Variants in PPP1R16B observed in about 807,000 individuals in gnomAD.
PPP1R16B encodes protein phosphatase 1 regulatory inhibitor subunit 16B.
A neutral mutation model predicts 61.7 loss-of-function variants in PPP1R16B; 14 were observed. The ratio of observed to expected loss-of-function variants is 0.23; its 90% CI spans 0.15 to 0.35. The LOEUF is 0.35. Among genes scored for constraint, PPP1R16B ranks in the 10% least tolerant of loss-of-function variants. PPP1R16B has a pLI of 1.00. For missense variants in PPP1R16B, 547 were observed against 752.5 expected (o/e 0.73, Z 3.19); for synonymous variants, 266 against 305.3 (o/e 0.87, Z 1.34).
intron 2 of PPP1R16B, among the ~76,000 whole-genome samples, chr20:38,866,086 T>C (rs2085088381): frequency 6.6e-6 from 1 of 151,354 alleles, no homozygotes; most frequent in Admixed American, 6.6e-5. Flanking sequence ...ATCATGCCCC[T>C]GCACTCCAGC....
At chr20:38,853,096 G>A (rs1166174490) in intron 2 of PPP1R16B, among the ~76,000 whole-genome samples, 1 of 152,080 alleles carries the variant, frequency 6.6e-6, no homozygotes, top group Non-Finnish European at 1.5e-5. Flanking sequence ...CTAATCGAGT[G>A]AGAAAATGGT....
chr20:38,847,620 G>A (rs190124273), intron 2 of PPP1R16B, among the ~76,000 whole-genome samples: 1 of 152,314 alleles, frequency 6.6e-6, no homozygotes, highest in East Asian at 1.9e-4. Flanking sequence ...GCCTCCCAAA[G>A]TGCTGGGATT....
chr20:38,813,176 G>A (rs1201123643), intron 1 of PPP1R16B, among the ~76,000 whole-genome samples: 3 of 152,186 alleles, frequency 2.0e-5, no homozygotes, highest in South Asian at 2.1e-4. Context: ...CCTTCTCTGT[G>A]TGCCCAGGCC....
At chr20:38,893,952 C>A (rs774304185) in intron 3 of PPP1R16B, among the ~76,000 whole-genome samples, 84 of 152,290 alleles carry the variant, frequency 5.5e-4, no homozygotes, top group Middle Eastern at 6.8e-3. Context: ...GCTCACCTTC[C>A]ACCGCAGCCT....
At chr20:38,895,510 G>A (rs1008642071) in intron 3 of PPP1R16B, 55 bp from the exon 4 acceptor site, 1 of 1,574,314 alleles carries the variant, frequency 6.4e-7, no homozygotes, top group Admixed American at 1.7e-5. Flanking sequence ...TCCTGACCAG[G>A]GCCCGGGGCC....
At chr20:38,902,903 C>T (rs1056008586) in intron 6 of PPP1R16B, 111 bp downstream of exon 6, 137 of 1,500,188 alleles carry the variant, frequency 9.1e-5, no homozygotes, top group East Asian at 3.5e-4. Context: ...CTTGGACCTC[C>T]GCAAGAATCC....
intron 1 of PPP1R16B, among the ~76,000 whole-genome samples, chr20:38,825,399 C>G (rs2084799450): frequency 6.6e-6 from 1 of 152,204 alleles, no homozygotes; most frequent in African/African-American, 2.4e-5. Context: ...AAGAAGATAT[C>G]AGAAAATCCA....
intron 4 of PPP1R16B, among the ~76,000 whole-genome samples, chr20:38,897,002 C>T (rs999251373): frequency 2.6e-5 from 4 of 152,100 alleles, no homozygotes; most frequent in African/African-American, 7.2e-5. Context: ...CAAAATTAGC[C>T]GGGCATGGTG....
chr20:38,893,968 C>A (rs1448138092), intron 3 of PPP1R16B, among the ~76,000 whole-genome samples: 1 of 152,168 alleles, frequency 6.6e-6, no homozygotes, highest in Non-Finnish European at 1.5e-5. Flanking sequence ...AGCCTCGCTT[C>A]GTTGCCTTTG....
chr20:38,841,353 GAAAAAAAAAAAAA>G (rs34203271), intron 2 of PPP1R16B, among the ~76,000 whole-genome samples: 2,634 of 42,610 alleles, frequency 0.062, 117 homozygotes, highest in African/African-American at 0.19. Flanking sequence ...TGTCTGTACT[GAAAAAAAAAAAAA>G]AAAAAAAAAA....
Position 38,918,453 on chromosome 20 carries a change from C to G in PPP1R16B, c.1491C>G (p.Phe497Leu). 1 of 1,614,174 alleles carries G rather than the reference C, an allele frequency of 6.2e-7. No individual in the cohort carries two copies. The highest frequency in any genetic ancestry group is 8.5e-7 in the Non-Finnish European group (1 of 1,180,036). The change falls in exon 11 of 11, where the codon TTC becomes TTG. Residue 497 changes from phenylalanine to leucine, a missense_variant. Phe to Leu is a conservative substitution (Grantham distance 22, BLOSUM62 0). Transcript: ENST00000299824. This position sits in a 1 kb window ranked among gnomAD's most constrained non-coding sequence, Gnocchi z 5.3. Reference sequence around the variant, plus strand: ...CAGCCAAGCTGCTCAGCCACCCCTTCCTTAGCACACACCTGGGCAGCAGCA... The same window carrying G: ...CAGCCAAGCTGCTCAGCCACCCCTTGCTTAGCACACACCTGGGCAGCAGCA... ...RAAAKLLSHP[F>L]LSTHLGSSMA...
intron 10 of PPP1R16B, among the ~76,000 whole-genome samples, chr20:38,909,376 A>G (rs2085471221): frequency 6.6e-6 from 1 of 152,162 alleles, no homozygotes; most frequent in Non-Finnish European, 1.5e-5. Flanking sequence ...TCTTAATTTA[A>G]TTTATTACAC....
Position 38,895,662 on chromosome 20 carries a change from C to T in PPP1R16B, c.419C>T (p.Ala140Val). 6.2e-7 allele frequency: 1 copy of T among 1,614,180 alleles called. No homozygotes were observed. Among genetic ancestry groups the T allele is most frequent in the Non-Finnish European group, 8.5e-7 (1 of 1,180,018 alleles). Residue 140 changes from alanine to valine, a missense_variant, in exon 4 of 11, where the codon GCT (alanine) becomes GTT (valine). By Grantham distance (64) the Ala-to-Val change is moderately conservative (BLOSUM62 0). Coordinates refer to ENST00000299824, the MANE Select transcript of PPP1R16B (RefSeq NM_015568.4). Reference sequence around the variant, plus strand: ...AACGAGCTGTGGACACCTCTCCATGCTGCAGCCACCTGCGGCCACATCAAC... The same window carrying T: ...AACGAGCTGTGGACACCTCTCCATGTTGCAGCCACCTGCGGCCACATCAAC... ...KDNELWTPLH[A>V]AATCGHINLV...
intron 2 of PPP1R16B, among the ~76,000 whole-genome samples, chr20:38,884,781 G>A (rs1453123393): frequency 6.6e-6 from 1 of 151,110 alleles, no homozygotes; most frequent in African/African-American, 2.4e-5. Context: ...CTTAAAAAAA[G>A]AAGGCGGCGG....
At chr20:38,831,861 A>G (rs1359221208) in intron 1 of PPP1R16B, among the ~76,000 whole-genome samples, 1 of 152,280 alleles carries the variant, frequency 6.6e-6, no homozygotes. Context: ...CCTGGCCCAC[A>G]GCCACAAGTG....
intron 4 of PPP1R16B, among the ~76,000 whole-genome samples, chr20:38,896,170 C>T (rs114367527): frequency 0.011 from 930 of 87,278 alleles, 34 homozygotes; most frequent in African/African-American, 0.032. Context: ...TCCCTTCCTT[C>T]CTTCTTTCTT....
intron 2 of PPP1R16B, among the ~76,000 whole-genome samples, chr20:38,865,444 C>CACGGCCGGCTA (rs1434360458): frequency 2.6e-5 from 4 of 152,110 alleles, no homozygotes; most frequent in African/African-American, 9.7e-5. Context: ...TGCCCGCCAC[C>CACGGCCGGCTA]ACGGCCGGCT....
At chr20:38,888,894 C>T (rs954025275) in intron 2 of PPP1R16B, among the ~76,000 whole-genome samples, 1 of 149,704 alleles carries the variant, frequency 6.7e-6, no homozygotes, top group Non-Finnish European at 1.5e-5. Context: ...CACACACACA[C>T]ACACACACAC....
chr20:38,807,002 C>T (rs1288455270), intron 1 of PPP1R16B, among the ~76,000 whole-genome samples: 2 of 152,190 alleles, frequency 1.3e-5, no homozygotes, highest in Non-Finnish European at 2.9e-5. Flanking sequence ...GTCAGAAGAG[C>T]CCCCCAGCTC....
Sources: gnomAD v4.1 joint callset for allele counts (sites outside exome capture counted in the v4.1 genomes callset) on GRCh38, gnomAD v4.1.1 for gene constraint, Gnocchi (gnomAD v3.1) non-coding constraint, MANE v1.5 for transcripts, NCBI Gene and HGNC (gene_info 2026-07-23, HGNC 2026-07-21) for gene names.